The following DZIP3 variants were observed in gnomAD, a reference collection of about 807,000 sequenced individuals.
The protein encoded by DZIP3 is E3 ubiquitin-protein ligase DZIP3.
In DZIP3, 118 loss-of-function variants were observed where a neutral mutation model predicts 162.0. The observed-to-expected ratio is 0.73, with a 90% confidence interval of 0.63 to 0.85. The LOEUF (loss-of-function observed/expected upper bound fraction) is 0.85, where lower values mean the gene tolerates loss of function less well. Among genes scored for constraint, DZIP3 ranks in the 40% least tolerant of loss-of-function variants. The pLI is 0.00. For synonymous variants in DZIP3, 438 were observed against 458.6 expected (o/e 0.96, Z 0.57); for missense variants, 1,331 against 1,407.0 (o/e 0.95, Z 0.86).
chr3:108,654,417 T>C (rs1180944059), intron 19 of DZIP3, 107 bp downstream of exon 19: 2 of 1,234,894 alleles, frequency 1.6e-6, no homozygotes, highest in Non-Finnish European at 2.4e-6. Context: ...TTTATACTGT[T>C]TGTGAGGAGA....
At chr3:108,633,773 G>T (rs1207535548) in intron 9 of DZIP3, among the ~76,000 whole-genome samples, 21 of 69,092 alleles carry the variant, frequency 3.0e-4, no homozygotes, top group Non-Finnish European at 3.7e-4. Context: ...TCTCTCTCTG[G>T]ATCTATCAGA....
chr3:108,679,540 A>T (rs1472620251), intron 26 of DZIP3, among the ~76,000 whole-genome samples: 1 of 152,100 alleles, frequency 6.6e-6, no homozygotes, highest in Non-Finnish European at 1.5e-5. Flanking sequence ...CAGTTGTGTT[A>T]AAGTACAAGC....
At chr3:108,662,586 T>C (rs752462736) in intron 21 of DZIP3, among the ~76,000 whole-genome samples, 1 of 152,248 alleles carries the variant, frequency 6.6e-6, no homozygotes, top group Non-Finnish European at 1.5e-5. Context: ...CTATATAGTA[T>C]ATGAGTACAT....
intron 26 of DZIP3, among the ~76,000 whole-genome samples, chr3:108,683,618 A>C (rs1020360024): frequency 6.6e-6 from 1 of 152,164 alleles, no homozygotes; most frequent in African/African-American, 2.4e-5. Flanking sequence ...CCCCCTGGGA[A>C]GTACGGTAAT....
In DZIP3 at chr3:108,647,974, A is replaced by G. The variant is rs1022914034; in HGVS notation, c.1824A>G (p.Glu608=). Residue 608 remains glutamate (E), a synonymous_variant, in exon 16 of 33, where the codon GAA becomes GAG. Coordinates refer to ENST00000361582, the MANE Select transcript of DZIP3 (RefSeq NM_014648.4). ...RIEIEELQNE[E]EELSPPLMEY... ...AAATAGAAGAGTTACAGAATGAGGA[A>G]GAAGAACTAAGTCCACCTCTCATGG... 1.3e-6 allele frequency: 2 copies of G among 1,583,070 alleles called. No homozygotes were observed. The highest frequency in any genetic ancestry group is 1.4e-5 in the African/African-American group (1 of 72,876).
intron 5 of DZIP3, among the ~76,000 whole-genome samples, chr3:108,622,979 G>A (rs978099121): frequency 6.6e-6 from 1 of 150,662 alleles, no homozygotes; most frequent in African/African-American, 2.4e-5. Context: ...GTTCAGATCC[G>A]AAGCCAGCCC....
intron 1 of DZIP3, among the ~76,000 whole-genome samples, chr3:108,603,472 A>G (rs1177115485): frequency 2.6e-5 from 4 of 152,226 alleles, no homozygotes; most frequent in Non-Finnish European, 5.9e-5. Context: ...CAGAGAATAC[A>G]AATTAAAATA....
chr3:108,620,693 C>T (rs189907479), intron 5 of DZIP3, among the ~76,000 whole-genome samples: 33 of 152,202 alleles, frequency 2.2e-4, no homozygotes, highest in Middle Eastern at 3.4e-3. Flanking sequence ...CATTTTTATA[C>T]GAAGGAAATA....
chr3:108,668,805 A>T (rs776753866), intron 21 of DZIP3, among the ~76,000 whole-genome samples: 7 of 151,956 alleles, frequency 4.6e-5, no homozygotes, highest in Non-Finnish European at 8.8e-5. Flanking sequence ...GTAGTGAGCA[A>T]TCCATCCAAC....
Position 108,611,270 on chromosome 3 carries a change from G to T in DZIP3, c.199G>T (p.Gly67Cys), listed in dbSNP as rs745923043. The T allele has an allele frequency of 8.2e-5, 132 of 1,612,502 alleles. No individual in the cohort carries two copies. The highest frequency in any genetic ancestry group is 1.1e-4 in the Non-Finnish European group (128 of 1,179,566). The part of the protein sequence containing the change: ...LLNAINTLPK[G>C]VVPHIKKFLQ... ...AAATGCAATTAATACTCTACCAAAA[G>T]GTGTGGTTCCTCACATTAAGAAGTT... Residue 67 changes from glycine (G) to cysteine (C), a missense_variant, in exon 4 of 33, where the codon GGT becomes TGT. By Grantham distance (159) the Gly-to-Cys change is radical. Coordinates refer to ENST00000361582, the MANE Select transcript of DZIP3 (RefSeq NM_014648.4).
At chr3:108,655,797 C>T (rs918690056) in intron 19 of DZIP3, among the ~76,000 whole-genome samples, 1 of 152,220 alleles carries the variant, frequency 6.6e-6, no homozygotes, top group African/African-American at 2.4e-5. Context: ...CACTCCCACC[C>T]TAATGCTGCG....
intron 8 of DZIP3, among the ~76,000 whole-genome samples, chr3:108,630,381 A>C (rs989911467): frequency 6.6e-6 from 1 of 152,118 alleles, no homozygotes; most frequent in Non-Finnish European, 1.5e-5. Context: ...TAAAATATAA[A>C]ATTCAATTAT....
chr3:108,595,442 T>C (rs918823458), intron 1 of DZIP3, among the ~76,000 whole-genome samples: 1 of 152,164 alleles, frequency 6.6e-6, no homozygotes, highest in Non-Finnish European at 1.5e-5. Flanking sequence ...GGACTCAATC[T>C]GCTGGCCTCA....
Position 108,647,028 on chromosome 3 carries a change from G to A in DZIP3, c.1792+379G>A, listed in dbSNP as rs56099837. Among the ~76,000 whole-genome samples the A allele has an allele frequency of 4.3e-3, 647 of 152,206 alleles. 5 individuals carry two copies. Among genetic ancestry groups the A allele is most frequent in the African/African-American group, 0.015 (609 of 41,538 alleles). On this transcript the variant is annotated intron_variant, in intron 15 of 32. Coordinates refer to ENST00000361582, the MANE Select transcript of DZIP3 (RefSeq NM_014648.4). ...TGCATTCCAGCCTGGGCGACAGAGC[G>A]AGATTCAGTCTCAAAAAAAAAGAAC...
At chr3:108,624,676 AT>A in intron 6 of DZIP3, 152 bp downstream of exon 6, 2 of 459,506 alleles carry the variant, frequency 4.4e-6, no homozygotes, top group Non-Finnish European at 7.7e-6. Flanking sequence ...AATGCTTACC[AT>A]TCATGTAAAA....
chr3:108,676,565 G>A (rs921611932), intron 25 of DZIP3, among the ~76,000 whole-genome samples: 1 of 151,808 alleles, frequency 6.6e-6, no homozygotes, highest in East Asian at 1.9e-4. Context: ...ATATACTAAG[G>A]TTGATAGATA....
At position 108,648,417 on chromosome 3, in the gene DZIP3, A is replaced by G. The variant is rs1942724533; in HGVS notation, c.1962+305A>G. 4 of 209,848 alleles carry G rather than the reference A, an allele frequency of 1.9e-5. No individual in the cohort carries two copies. The East Asian group carries it at 4.4e-4, about 23-fold the overall frequency. 13.0% of individuals were successfully genotyped at this position (209,848 alleles called of 1,614,324 possible). On this transcript the variant is annotated intron_variant, in intron 16 of 32. Coordinates refer to ENST00000361582, the MANE Select transcript of DZIP3 (RefSeq NM_014648.4). ...GTGGGAAGGTATTAGAAAGTAGAAGAAAGTATAGTCTAAAATAGAGAGGAA... is the reference window on the plus strand; with the variant it reads ...GTGGGAAGGTATTAGAAAGTAGAAGGAAGTATAGTCTAAAATAGAGAGGAA...
At position 108,658,883 on chromosome 3, in the gene DZIP3, A is replaced by C. The variant is rs906755806; in HGVS notation, c.2200-2994A>C. Among the ~76,000 whole-genome samples the C allele has an allele frequency of 2.0e-3, 304 of 152,342 alleles. 1 individual carries two copies. Among genetic ancestry groups the C allele is most frequent in the South Asian group, 5.4e-3 (26 of 4,826 alleles). ...AACACCTCTACGCAAATAAACTAGA[A>C]AATCTAGAAGAAATGGATAAATTCC... On this transcript the variant is annotated intron_variant, in intron 19 of 32. Coordinates refer to ENST00000361582, the MANE Select transcript of DZIP3 (RefSeq NM_014648.4).
intron 19 of DZIP3, among the ~76,000 whole-genome samples, chr3:108,661,496 G>A (rs1352155676): frequency 6.6e-6 from 1 of 152,182 alleles, no homozygotes; most frequent in Non-Finnish European, 1.5e-5. Flanking sequence ...GAGGTGGAGG[G>A]AGGGGGAAGA....
Sources: allele counts gnomAD v4.1 joint callset (sites outside exome capture counted in the v4.1 genomes callset), GRCh38; gene constraint gnomAD v4.1.1; transcripts MANE v1.5; gene names NCBI Gene and HGNC (gene_info 2026-07-23, HGNC 2026-07-21).